INSYN2A: variants seen among roughly 807,000 people sequenced by gnomAD.
The protein encoded by INSYN2A is inhibitory synaptic factor 2A.
In INSYN2A, 17 loss-of-function variants were observed where a neutral mutation model predicts 39.4. That is an observed-to-expected ratio of 0.43 (90% CI 0.30 to 0.65). INSYN2A has a LOEUF of 0.65. Ranked by LOEUF, INSYN2A falls within the 30% of genes least tolerant of loss-of-function variation. INSYN2A has a pLI of 0.14. For missense variants in INSYN2A, 595 were observed against 631.2 expected (o/e 0.94, Z 0.61); for synonymous variants, 255 against 265.7 (o/e 0.96, Z 0.39).
intron 4 of INSYN2A, among the ~76,000 whole-genome samples, chr10:127,174,402 G>A (rs762771012): frequency 1.3e-5 from 2 of 152,216 alleles, no homozygotes; most frequent in Non-Finnish European, 2.9e-5. Context: ...ATGCCGGCCT[G>A]TAGGAGGCTT....
chr10:127,153,829 G>T, intron 5 of INSYN2A, 23 bp downstream of exon 5: 1 of 1,558,542 alleles, frequency 6.4e-7, no homozygotes, highest in Non-Finnish European at 8.8e-7. Context: ...TAAGAAAGTG[G>T]GAAGAGGAGA....
rs1233641023 is a variant in INSYN2A, at chr10:127,137,774, A to T, written c.*63T>A. ...TCCCTCGATCCTATTCATTTTGGAAAAGTATTGACTTAAACTCCAGTGGGT... is the reference window on the plus strand; with the variant it reads ...TCCCTCGATCCTATTCATTTTGGAATAGTATTGACTTAAACTCCAGTGGGT... On this transcript the variant is annotated 3_prime_UTR_variant, in exon 6 of 6. Coordinates refer to ENST00000522781, the MANE Select transcript of INSYN2A (RefSeq NM_001039762.3). The T allele has an allele frequency of 2.1e-6, 3 of 1,457,412 alleles. No homozygotes were observed. Among genetic ancestry groups the T allele is most frequent in the Non-Finnish European group, 2.8e-6 (3 of 1,075,732 alleles). The allele number at this position is 1,457,412 out of a possible 1,614,324, so 90.3% of individuals were successfully genotyped here.
intron 5 of INSYN2A, among the ~76,000 whole-genome samples, chr10:127,150,839 G>A (rs540243740): frequency 1.3e-5 from 2 of 152,266 alleles, no homozygotes; most frequent in Admixed American, 6.5e-5. Context: ...ACAGGACTTT[G>A]CTCCACTTTA....
chr10:127,143,624 C>G (rs191745564), intron 5 of INSYN2A, among the ~76,000 whole-genome samples: 169 of 152,318 alleles, frequency 1.1e-3, no homozygotes, highest in Admixed American at 2.6e-3. Context: ...CAATTTATGT[C>G]AACTGACATT....
At chr10:127,182,304 C>T (rs781541987) in intron 2 of INSYN2A, among the ~76,000 whole-genome samples, 1 of 152,042 alleles carries the variant, frequency 6.6e-6, no homozygotes, top group Non-Finnish European at 1.5e-5. Flanking sequence ...ACACTCTTAA[C>T]GAACAAAAAA....
At chr10:127,138,443 A>G (rs996900227) in intron 5 of INSYN2A, among the ~76,000 whole-genome samples, 6 of 152,160 alleles carry the variant, frequency 3.9e-5, no homozygotes, top group East Asian at 1.9e-4. Flanking sequence ...TTCCTGTGCA[A>G]TGTATCACAA....
chr10:127,178,773 G>T (rs1167767763), intron 2 of INSYN2A, among the ~76,000 whole-genome samples: 1 of 152,148 alleles, frequency 6.6e-6, no homozygotes. Flanking sequence ...GCCCCGTTTG[G>T]GATGGCTAGA....
At chr10:127,171,947 C>T (rs1448623986) in intron 4 of INSYN2A, among the ~76,000 whole-genome samples, 3 of 152,174 alleles carry the variant, frequency 2.0e-5, no homozygotes, top group Admixed American at 6.5e-5. Context: ...TCAAGTGATC[C>T]ACTCGCCTTG....
intron 4 of INSYN2A, among the ~76,000 whole-genome samples, chr10:127,154,205 T>C (rs1372462311): frequency 6.6e-6 from 1 of 152,248 alleles, no homozygotes; most frequent in Non-Finnish European, 1.5e-5. Flanking sequence ...GAATGTGGGA[T>C]GTTTCAATGC....
chr10:127,195,559 T>C (rs2134162600), intron 1 of INSYN2A, among the ~76,000 whole-genome samples: 1 of 151,048 alleles, frequency 6.6e-6, no homozygotes, highest in African/African-American at 2.4e-5. Flanking sequence ...ACTTGTACTT[T>C]CCAGGGCGCT....
chr10:127,165,140 C>T (rs1295169862), intron 4 of INSYN2A, among the ~76,000 whole-genome samples: 2 of 152,174 alleles, frequency 1.3e-5, no homozygotes, highest in Non-Finnish European at 2.9e-5. Flanking sequence ...CACAGAGGTT[C>T]GAATTTGAAA....
chr10:127,159,489 C>G (rs1403003968), intron 4 of INSYN2A, among the ~76,000 whole-genome samples: 1 of 152,074 alleles, frequency 6.6e-6, no homozygotes, highest in Non-Finnish European at 1.5e-5. Context: ...TATAACATAC[C>G]TGAATTTTTT....
intron 5 of INSYN2A, among the ~76,000 whole-genome samples, chr10:127,147,505 A>G (rs2247259): frequency 0.98 from 148,446 of 152,102 alleles, 72,515 homozygotes; most frequent in East Asian, 1. Context: ...CTCACCTTCC[A>G]TACAGAGGGC....
rs184591766 is a variant in INSYN2A at position 127,175,872 on chromosome 10, A to G, written c.524T>C (p.Phe175Ser). 1.2e-6 allele frequency: 2 copies of G among 1,614,154 alleles called. No individual in the cohort carries two copies. The highest frequency in any genetic ancestry group is 2.7e-5 in the African/African-American group (2 of 75,028). Residue 175 changes from phenylalanine (F) to serine (S), a missense_variant, in exon 4 of 6, where the codon TTC becomes TCC. By Grantham distance (155) the Phe-to-Ser change is radical. Coordinates refer to ENST00000522781, the MANE Select transcript of INSYN2A (RefSeq NM_001039762.3). This position sits in a 1 kb window ranked among gnomAD's most constrained non-coding sequence, Gnocchi z 6.3. Reference protein sequence around the residue: ...GRVHKTTALVFHSNQHMNTVD... With the variant: ...GRVHKTTALVSHSNQHMNTVD... ...TGTGTTCATGTGTTGGTTGGAATGG[A>G]AAACCAAGGCTGTGGTCTTGTGCAC...
chr10:127,163,659 T>C (rs752653887), intron 4 of INSYN2A, among the ~76,000 whole-genome samples: 12 of 152,122 alleles, frequency 7.9e-5, no homozygotes, highest in Non-Finnish European at 1.0e-4. Flanking sequence ...TAAATAGTAT[T>C]CATATTAGCC....
At chr10:127,181,203 C>T (rs762335122) in intron 2 of INSYN2A, among the ~76,000 whole-genome samples, 4 of 152,056 alleles carry the variant, frequency 2.6e-5, no homozygotes, top group South Asian at 2.1e-4. Flanking sequence ...TACGTGCCTG[C>T]GTATGTATTT....
In INSYN2A at chr10:127,137,931, G is replaced by A. The variant is rs753834736; in HGVS notation, c.1346C>T (p.Ser449Leu). 2.5e-6 allele frequency: 4 copies of A among 1,614,090 alleles called. No individual in the cohort carries two copies. Among genetic ancestry groups the A allele is most frequent in the Non-Finnish European group, 1.7e-6 (2 of 1,179,964 alleles). ...HPIEETQVIP[S>L]PYSQETYSST... ...GGAGTAAGTCTCCTGAGAGTAAGGC[G>A]AAGGTATGACCTGAGTTTCCTCAAT... Residue 449 changes from serine (S) to leucine (L), a missense_variant, in exon 6 of 6, where the codon TCG becomes TTG. Physicochemically the swap from Ser to Leu is moderately radical, Grantham distance 145. Transcript: ENST00000522781.
chr10:127,192,535 A>C (rs2056831845), intron 2 of INSYN2A, 70 bp downstream of exon 2: 1 of 152,188 alleles, frequency 6.6e-6, no homozygotes, highest in East Asian at 1.9e-4. Flanking sequence ...CCCTCAACCC[A>C]TTCATTATGG....
chr10:127,189,423 C>T (rs776979126), intron 2 of INSYN2A, among the ~76,000 whole-genome samples: 2 of 152,206 alleles, frequency 1.3e-5, no homozygotes, highest in Non-Finnish European at 2.9e-5. Context: ...TGTCCAGCCA[C>T]CTGCTAACTT....
Sources: gnomAD v4.1 joint callset for allele counts (sites outside exome capture counted in the v4.1 genomes callset) on GRCh38, gnomAD v4.1.1 for gene constraint, Gnocchi (gnomAD v3.1) non-coding constraint, MANE v1.5 for transcripts, NCBI Gene and HGNC (gene_info 2026-07-23, HGNC 2026-07-21) for gene names.